The following ADAMTSL1 variants were observed in gnomAD, a reference collection of about 807,000 sequenced individuals.
ADAMTSL1 encodes the protein ADAMTS like 1.
Under a neutral mutation model 201.8 loss-of-function variants are expected in ADAMTSL1, and 126 were observed. That is an observed-to-expected ratio of 0.62 (90% CI 0.54 to 0.72). ADAMTSL1 has a LOEUF of 0.72. ADAMTSL1 is among the 30% of genes least tolerant of loss of function. The probability of loss-of-function intolerance (pLI) is 0.00; values close to 1 mark genes in which losing one functional copy is unlikely to be tolerated. For missense variants in ADAMTSL1, 2,679 were observed against 2,277.8 expected (o/e 1.18, Z -3.59); for synonymous variants, 1,121 against 903.4 (o/e 1.24, Z -4.32).
intron 2 of ADAMTSL1, among the ~76,000 whole-genome samples, chr9:18,174,610 C>T (rs1309900900): frequency 6.6e-6 from 1 of 151,408 alleles, no homozygotes; most frequent in Non-Finnish European, 1.5e-5. Flanking sequence ...ATACACATGA[C>T]TTTTTTTTTA....
intron 2 of ADAMTSL1, among the ~76,000 whole-genome samples, chr9:18,285,976 C>T (rs1456922797): frequency 6.6e-6 from 1 of 152,066 alleles, no homozygotes; most frequent in Non-Finnish European, 1.5e-5. Context: ...CCAAAAGAAA[C>T]TCGATAGCAG....
intron 5 of ADAMTSL1, among the ~76,000 whole-genome samples, chr9:18,625,097 T>C (rs1167146818): frequency 6.6e-6 from 1 of 152,194 alleles, no homozygotes; most frequent in Non-Finnish European, 1.5e-5. Flanking sequence ...GAGGCTGCTC[T>C]GCAGGGCCCA....
intron 3 of ADAMTSL1, among the ~76,000 whole-genome samples, chr9:18,572,168 C>G (rs116212725): frequency 0.012 from 1,725 of 149,858 alleles, 33 homozygotes; most frequent in African/African-American, 0.04. Flanking sequence ...ACACTCCACC[C>G]GGGGAGACAG....
In ADAMTSL1 at chr9:18,574,249, A is replaced by G. The variant is rs779513061; in HGVS notation, c.457A>G (p.Ile153Val). Reference sequence around the variant, plus strand: ...CTATACAGAATCTTTGGATATGTGCATCAGTGGTTTATGCCAAGTAAGTGC... The same window carrying G: ...CTATACAGAATCTTTGGATATGTGCGTCAGTGGTTTATGCCAAGTAAGTGC... ...RCYTESLDMCISGLCQIVGCD... is the reference protein window; with the variant it reads ...RCYTESLDMCVSGLCQIVGCD... Residue 153 changes from isoleucine to valine, a missense_variant, in exon 4 of 29, where the codon ATC (isoleucine) becomes GTC (valine). Ile to Val is a conservative substitution (Grantham distance 29, BLOSUM62 3). Transcript: ENST00000380548. 2 of 1,614,116 alleles carry G rather than the reference A, an allele frequency of 1.2e-6. No individual in the cohort carries two copies. The highest frequency in any genetic ancestry group is 1.1e-5 in the South Asian group (1 of 91,086).
chr9:17,955,822 C>T (rs1778180), intron 1 of ADAMTSL1, among the ~76,000 whole-genome samples: 107,910 of 152,016 alleles, frequency 0.71, 38,953 homozygotes, highest in East Asian at 0.98. Context: ...AAAAACGTAG[C>T]GTATATAGGG....
chr9:18,680,594 C>A, intron 11 of ADAMTSL1, 78 bp downstream of exon 11: 1 of 1,497,634 alleles, frequency 6.7e-7, no homozygotes, highest in Non-Finnish European at 9.2e-7. Context: ...CCACCGGGTA[C>A]CCTGAGCAGC....
At position 18,889,669 on chromosome 9, in the gene ADAMTSL1, G is replaced by A. The variant is rs1588316693; in HGVS notation, c.4564G>A (p.Val1522Ile). Reference protein sequence around the residue: ...RLRCLLNSTEVNPAHCAGKVR... With the variant: ...RLRCLLNSTEINPAHCAGKVR... ...GAGGTGCCTGCTGAACAGCACGGAGGTCAACCCTGCCCACTGCGCAGGGAA... is the reference window on the plus strand; with the variant it reads ...GAGGTGCCTGCTGAACAGCACGGAGATCAACCCTGCCCACTGCGCAGGGAA... Residue 1522 changes from valine (V) to isoleucine (I), a missense_variant, in exon 25 of 29, where the codon GTC (valine) becomes ATC (isoleucine). Val to Ile is a conservative substitution (Grantham distance 29). Coordinates refer to ENST00000380548, the MANE Select transcript of ADAMTSL1 (RefSeq NM_001040272.6). 3.7e-6 allele frequency: 6 copies of A among 1,610,022 alleles called. No homozygotes were observed. The highest frequency in any genetic ancestry group is 5.1e-6 in the Non-Finnish European group (6 of 1,178,172).
intron 4 of ADAMTSL1, among the ~76,000 whole-genome samples, chr9:18,602,375 A>C (rs1177936607): frequency 6.6e-6 from 1 of 152,354 alleles, no homozygotes; most frequent in East Asian, 1.9e-4. Flanking sequence ...CCAGGGTTCA[A>C]ACAATTTCTT....
chr9:18,645,556 A>G (rs79236167), intron 7 of ADAMTSL1, among the ~76,000 whole-genome samples: 22,122 of 145,904 alleles, frequency 0.15, 1,897 homozygotes, highest in Middle Eastern at 0.22. Context: ...ATCTTGAATT[A>G]ATTTTTGTAT....
chr9:17,976,148 C>A (rs761406280), intron 1 of ADAMTSL1, among the ~76,000 whole-genome samples: 1 of 152,050 alleles, frequency 6.6e-6, no homozygotes, highest in Non-Finnish European at 1.5e-5. Flanking sequence ...AATTTGAAAT[C>A]AGGAAGTGTG....
chr9:18,776,622 C>G (rs868183485), intron 18 of ADAMTSL1, among the ~76,000 whole-genome samples, 159 bp from the exon 19 acceptor site: 1 of 152,202 alleles, frequency 6.6e-6, no homozygotes, highest in South Asian at 2.1e-4. Flanking sequence ...AAAATAAACC[C>G]CGAAGAATAC....
chr9:18,505,089 G>A (rs764878763), intron 2 of ADAMTSL1, 133 bp downstream of exon 2: 14 of 1,177,418 alleles, frequency 1.2e-5, no homozygotes, highest in East Asian at 2.9e-5. Context: ...TTAAAGGAAC[G>A]TACAAATAAT....
At chr9:18,003,421 G>T (rs16936203) in intron 1 of ADAMTSL1, among the ~76,000 whole-genome samples, 1,677 of 152,176 alleles carry the variant, frequency 0.011, 39 homozygotes, top group African/African-American at 0.038. Context: ...TGAATGTGGT[G>T]AAAGGAATCT....
intron 16 of ADAMTSL1, among the ~76,000 whole-genome samples, chr9:18,769,081 T>C (rs1180585127): frequency 6.6e-6 from 1 of 152,158 alleles, no homozygotes; most frequent in East Asian, 1.9e-4. Flanking sequence ...CCAGGAGACC[T>C]TGAGGTGCAT....
chr9:18,345,623 A>C (rs1835680847), intron 2 of ADAMTSL1, among the ~76,000 whole-genome samples: 1 of 152,178 alleles, frequency 6.6e-6, no homozygotes, highest in South Asian at 2.1e-4. Context: ...GAGTGATGCA[A>C]AAATAATAAT....
intron 22 of ADAMTSL1, among the ~76,000 whole-genome samples, 160 bp downstream of exon 22, chr9:18,826,623 A>T (rs1196894618): frequency 1.3e-5 from 2 of 152,220 alleles, no homozygotes; most frequent in African/African-American, 4.8e-5. Flanking sequence ...ATAGAACACA[A>T]ACTTTGAGCC....
intron 20 of ADAMTSL1, among the ~76,000 whole-genome samples, chr9:18,810,467 TA>T (rs1823432332): frequency 6.6e-6 from 1 of 152,132 alleles, no homozygotes; most frequent in South Asian, 2.1e-4. Context: ...ACAAAAAATA[TA>T]AAAAGCAAGT....
chr9:18,125,591 T>A (rs1340766994), intron 1 of ADAMTSL1, among the ~76,000 whole-genome samples: 5 of 152,204 alleles, frequency 3.3e-5, no homozygotes, highest in African/African-American at 1.2e-4. Flanking sequence ...CATTTTGAGT[T>A]ACATTTTCTG....
At chr9:18,306,547 C>T (rs1280055260) in intron 2 of ADAMTSL1, among the ~76,000 whole-genome samples, 2 of 152,010 alleles carry the variant, frequency 1.3e-5, no homozygotes, top group Admixed American at 6.6e-5. Flanking sequence ...ATGAAGAATA[C>T]ACAAGTATCA....
Sources: allele counts gnomAD v4.1 joint callset (sites outside exome capture counted in the v4.1 genomes callset), GRCh38; gene constraint gnomAD v4.1.1; transcripts MANE v1.5; gene names NCBI Gene and HGNC (gene_info 2026-07-23, HGNC 2026-07-21).